RASGRP4: variants seen among roughly 807,000 people sequenced by gnomAD.
The protein encoded by RASGRP4 is RAS guanyl releasing protein 4, also known as RAS guanyl-releasing protein 4.
RASGRP4 carries 52 observed loss-of-function variants against 84.4 expected under a neutral mutation model. The observed-to-expected ratio is 0.62, with a 90% CI of 0.49 to 0.78. RASGRP4 has a LOEUF of 0.78. RASGRP4 is among the 30% of genes least tolerant of loss of function. RASGRP4 has a pLI of 0.00. For missense variants in RASGRP4, 760 were observed against 886.9 expected, an observed-to-expected ratio of 0.86 and a Z score of 1.82; for synonymous variants, 356 against 359.1, an observed-to-expected ratio of 0.99 and a Z score of 0.10.
At chr19:38,420,851 G>T in intron 4 of RASGRP4, 57 bp downstream of exon 4, 6 of 1,538,464 alleles carry the variant, frequency 3.9e-6, no homozygotes, top group Non-Finnish European at 5.4e-6. Context: ...GTTTTTTGAG[G>T]GGGAAGCAGG....
chr19:38,422,897 G>C (rs1971821635), intron 1 of RASGRP4, among the ~76,000 whole-genome samples: 1 of 152,000 alleles, frequency 6.6e-6, no homozygotes, highest in Admixed American at 6.6e-5. Context: ...AAAGCCTGGG[G>C]ACCGCCGCTC....
rs748797528 is a variant in RASGRP4 at position 38,412,965 on chromosome 19, C to T, written c.1501G>A (p.Ala501Thr). Reference protein sequence around the residue: ...FERLSGNFPFACHGLHPPPRQ... With the variant: ...FERLSGNFPFTCHGLHPPPRQ... The stretch of plus-strand genomic sequence containing the variant: ...GGGGGTGGGTGAAGCCCATGGCAGG[C>T]GAAGGGAAAATTGCCCGAGAGTCGC... The change falls in exon 12 of 17, where the codon GCC becomes ACC. Residue 501 changes from alanine (A) to threonine (T), a missense_variant. Physicochemically the swap from Ala to Thr is moderately conservative, Grantham distance 58. Coordinates refer to ENST00000615439, the MANE Select transcript of RASGRP4 (RefSeq NM_170604.3). This position sits in a 1 kb window ranked among gnomAD's most constrained non-coding sequence, Gnocchi z 4.6. 6.8e-6 allele frequency: 11 copies of T among 1,612,566 alleles called. No homozygotes were observed. The highest frequency in any genetic ancestry group is 3.3e-5 in the Admixed American group (2 of 59,988).
rs1971780783 is a variant in RASGRP4, at chr19:38,422,098, C to T, written c.79G>A (p.Val27Met). 6.2e-7 allele frequency: 1 copy of T among 1,613,326 alleles called. No individual in the cohort carries two copies. The highest frequency in any genetic ancestry group is 1.3e-5 in the African/African-American group (1 of 74,924). ...KIGGRGRPRQ[V>M]RRHKTCPSPR... ...CTGGGGCATGTCTTGTGGCGGCGCA[C>T]TTGGCGGGGCCGGCCTCGCCCTCCT... is the stretch of plus-strand genomic sequence containing the variant. The change falls in exon 2 of 17, where the codon GTG becomes ATG. Residue 27 changes from valine to methionine, a missense_variant. Transcript: ENST00000615439.
rs1448092000 is a variant in RASGRP4, at chr19:38,410,892, T to G, written c.1959A>C (p.Thr653=). 2.0e-5 allele frequency: 32 copies of G among 1,593,924 alleles called. No homozygotes were observed. Among genetic ancestry groups the G allele is most frequent in the Non-Finnish European group, 2.7e-5 (32 of 1,170,264 alleles). Residue 653 remains threonine, a synonymous_variant, in exon 16 of 17, where the codon ACA becomes ACC. Coordinates refer to ENST00000615439, the MANE Select transcript of RASGRP4 (RefSeq NM_170604.3). ...AGGGGCGGTTTCTCCTCACCGTATC[T>G]GTTTCCCAGGAAGGGTGTGGGGATT... ...QTESPHPSWE[T]DTVPCPVMDP...
chr19:38,421,259 G>T, intron 2 of RASGRP4, 59 bp from the exon 3 acceptor site: 5 of 1,252,658 alleles, frequency 4.0e-6, no homozygotes, highest in Non-Finnish European at 4.7e-6. Flanking sequence ...GCAGAGCGTA[G>T]CTCCAGATCC....
chr19:38,410,580 T>A (rs1444616655), intron 16 of RASGRP4, among the ~76,000 whole-genome samples: 1 of 151,966 alleles, frequency 6.6e-6, no homozygotes, highest in Non-Finnish European at 1.5e-5. Context: ...ACTTGGCTAA[T>A]TTTTGTATTT....
rs750362289 is a variant in RASGRP4 at position 38,420,198 on chromosome 19, G to A, written c.442C>T (p.Arg148Cys). The A allele has an allele frequency of 1.6e-5, 26 of 1,613,034 alleles. No homozygotes were observed. Among genetic ancestry groups the A allele is most frequent in the Middle Eastern group, 1.6e-4 (1 of 6,080 alleles). ...TCCCGGGCCACGGTGGCCCAGAAAC[G>A]ACCTATGACTTCTTCTAGCTGGGGA... is the stretch of plus-strand genomic sequence containing the variant. ...QDPQLEEVIG[R>C]FWATVAREGN... Residue 148 changes from arginine to cysteine, a missense_variant, in exon 5 of 17, where the codon CGT becomes TGT. Arg to Cys is a radical substitution (Grantham distance 180). Transcript: ENST00000615439.
Position 38,422,041 on chromosome 19 carries a change from T to C in RASGRP4, c.136A>G (p.Met46Val). The C allele has an allele frequency of 6.2e-7, 1 of 1,613,756 alleles. No individual in the cohort carries two copies. The highest frequency in any genetic ancestry group is 1.3e-5 in the African/African-American group (1 of 75,054). Residue 46 changes from methionine to valine, a missense_variant, in exon 2 of 17, where the codon ATG (methionine) becomes GTG (valine). By Grantham distance (21) the Met-to-Val change is conservative (BLOSUM62 1). Transcript: ENST00000615439. Reference protein sequence around the residue: ...PREISKVMASMNLGLLSEGGC... With the variant: ...PREISKVMASVNLGLLSEGGC... The stretch of plus-strand genomic sequence containing the variant: ...CCCTCACTCAGCAGGCCCAGGTTCA[T>C]GGAAGCCATGACCTTGCTGATTTCC...
At chr19:38,423,522 T>A (rs1435087536) in intron 1 of RASGRP4, among the ~76,000 whole-genome samples, 1 of 149,884 alleles carries the variant, frequency 6.7e-6, no homozygotes, top group Non-Finnish European at 1.5e-5. Flanking sequence ...TGATTTCTGT[T>A]TCAAAAATAA....
chr19:38,412,822 G>A lies in RASGRP4; in HGVS notation c.1536-6C>T, dbSNP rs1440455931. On this transcript the variant is annotated splice_polypyrimidine_tract_variant and splice_region_variant and intron_variant, in intron 12 of 16. Coordinates refer to ENST00000615439, the MANE Select transcript of RASGRP4 (RefSeq NM_170604.3). This position sits in a 1 kb window ranked among gnomAD's most constrained non-coding sequence, Gnocchi z 4.6. ...CTCTGCTGAAGGATCCTCTCCTGGG[G>A]GCAGAAACTGAGCCTCAGCATGACC... is the stretch of plus-strand genomic sequence containing the variant. The A allele has an allele frequency of 2.5e-6, 4 of 1,608,986 alleles. No homozygotes were observed. The highest frequency in any genetic ancestry group is 2.5e-6 in the Non-Finnish European group (3 of 1,177,422).
chr19:38,421,015 C>T, intron 3 of RASGRP4, 45 bp from the exon 4 acceptor site: 1 of 1,609,406 alleles, frequency 6.2e-7, no homozygotes, highest in East Asian at 2.2e-5. Flanking sequence ...CATGACCTGC[C>T]TGCTCCCCAT....
In RASGRP4 at chr19:38,413,291, A is replaced by C. The variant is rs754220315; in HGVS notation, c.1318T>G (p.Ser440Ala). Residue 440 changes from serine (S) to alanine (A), a missense_variant, in exon 11 of 17, where the codon TCC becomes GCC. Transcript: ENST00000615439. The surrounding 1 kb of genome is among the most constrained non-coding windows in gnomAD (Gnocchi z 4.7). ...ACCACCAGAGGTGCATTGAAGGGGGAGGGTGGCTGGGGCGGGGACAGAGGA... is the reference window on the plus strand; with the variant it reads ...ACCACCAGAGGTGCATTGAAGGGGGCGGGTGGCTGGGGCGGGGACAGAGGA... The part of the protein sequence containing the change: ...EPRCPKSLPP[S>A]PFNAPLVVEW... The C allele has an allele frequency of 2.5e-6, 4 of 1,611,948 alleles. No individual in the cohort carries two copies. In the South Asian group the frequency reaches 3.3e-5, roughly 13 times the overall value.
Position 38,418,035 on chromosome 19 carries a change from A to AC in RASGRP4, c.837+355dup, listed in dbSNP as rs1268335104. Among the ~76,000 whole-genome samples, 1 of 150,514 alleles carries AC rather than the reference A, an allele frequency of 6.6e-6. No homozygotes were observed. The highest frequency in any genetic ancestry group is 1.5e-5 in the Non-Finnish European group (1 of 67,684). Reference sequence around the variant, plus strand: ...GGGAGCGATGCACAATCCCGAAGCGACCGCTGGGGCCTGGGGACTGGGGAT... The same window carrying AC: ...GGGAGCGATGCACAATCCCGAAGCGACCCGCTGGGGCCTGGGGACTGGGGAT... On this transcript the variant is annotated intron_variant, in intron 7 of 16. Transcript: ENST00000615439. This position sits in a 1 kb window ranked among gnomAD's most constrained non-coding sequence, Gnocchi z 4.6.
In RASGRP4 at chr19:38,417,696, G is replaced by A. The variant is rs1272537411; in HGVS notation, c.838-528C>T. 1.3e-5 allele frequency among the ~76,000 whole-genome samples: 2 copies of A among 152,148 alleles called. No individual in the cohort carries two copies. Among genetic ancestry groups the A allele is most frequent in the Non-Finnish European group, 2.9e-5 (2 of 68,024 alleles). The stretch of plus-strand genomic sequence containing the variant: ...TGGGGAATTCCCTTGCCCTCCTTTT[G>A]ACAAATTTCGGCAGAGGTTGCTGTG... On this transcript the variant is annotated intron_variant, in intron 7 of 16. Transcript: ENST00000615439. This position sits in a 1 kb window ranked among gnomAD's most constrained non-coding sequence, Gnocchi z 5.1.
At chr19:38,410,788 T>TTGTACTTTCTATGCAGAA in intron 16 of RASGRP4, 98 bp downstream of exon 16, 1 of 840,256 alleles carries the variant, frequency 1.2e-6, no homozygotes, top group Non-Finnish European at 2.0e-6. Flanking sequence ...TTCTGCATAT[T>TTGTACTTTCTATGCAGAA]TGTACTTTCT....
At position 38,419,743 on chromosome 19, in the gene RASGRP4, T is replaced by C. The variant is rs1254462207; in HGVS notation, c.663+117A>G. The C allele has an allele frequency of 1.5e-5, 15 of 1,031,426 alleles. 1 individual carries two copies. The highest frequency in any genetic ancestry group is 7.7e-5 in the Admixed American group (3 of 38,952). The allele number at this position is 1,031,426 out of a possible 1,614,324, so 63.9% of individuals were successfully genotyped here. On this transcript the variant is annotated intron_variant, in intron 6 of 16. Transcript: ENST00000615439. ...GCATACAGGTTTGAGTTTAAGACTT[T>C]GAGATCTCTGCCGAATGACCATGCA...
At chr19:38,420,371 T>A (rs1362885436) in intron 4 of RASGRP4, 109 bp from the exon 5 acceptor site, 29 of 1,209,758 alleles carry the variant, frequency 2.4e-5, no homozygotes, top group Non-Finnish European at 3.1e-5. Context: ...GGTCTCTAAA[T>A]GTGTGTGGGG....
intron 1 of RASGRP4, among the ~76,000 whole-genome samples, chr19:38,423,707 GGCT>G (rs1410790872): frequency 4.0e-5 from 6 of 151,614 alleles, no homozygotes; most frequent in African/African-American, 1.5e-4. Context: ...CGTGGTGGTG[GGCT>G]CCTGTAATCC....
At chr19:38,421,435 G>A (rs942732731) in intron 2 of RASGRP4, among the ~76,000 whole-genome samples, 1 of 152,156 alleles carries the variant, frequency 6.6e-6, no homozygotes, top group African/African-American at 2.4e-5. Context: ...AGACTGGCCG[G>A]GCACAGTGGC....
Sources: allele counts gnomAD v4.1 joint callset (sites outside exome capture counted in the v4.1 genomes callset), GRCh38; gene constraint gnomAD v4.1.1; non-coding constraint Gnocchi (gnomAD v3.1); transcripts MANE v1.5; gene names NCBI Gene and HGNC (gene_info 2026-07-23, HGNC 2026-07-21).